LRRC46: variants seen among roughly 807,000 people sequenced by gnomAD.
The protein encoded by LRRC46 is leucine rich repeat containing 46.
A neutral mutation model predicts 28.0 loss-of-function variants in LRRC46; 20 were observed. The observed-to-expected ratio is 0.71, with a 90% CI of 0.50 to 1.04. The LOEUF is 1.04. LRRC46 is among the 50% of genes least tolerant of loss of function. LRRC46 has a pLI of 0.00. For synonymous variants in LRRC46, 156 were observed against 158.8 expected (o/e 0.98, Z 0.13); for missense variants, 315 against 390.1 (o/e 0.81, Z 1.62).
chr17:47,831,930 GC>G lies in LRRC46; in HGVS notation c.-58del. 2 of 1,610,804 alleles carry G rather than the reference GC, an allele frequency of 1.2e-6. No homozygotes were observed. Among genetic ancestry groups the G allele is most frequent in the African/African-American group, 1.3e-5 (1 of 74,910 alleles). On this transcript the variant is annotated 5_prime_UTR_variant, in exon 1 of 8. Coordinates refer to ENST00000269025, the MANE Select transcript of LRRC46 (RefSeq NM_033413.4). Reference sequence around the variant, plus strand: ...CTGAGTTCTGCCATCCTTAGGGGCCGCCAAGACCTCTCTTTTCGTTCCTCTC... The same window carrying G: ...CTGAGTTCTGCCATCCTTAGGGGCCGCAAGACCTCTCTTTTCGTTCCTCTC...
intron 2 of LRRC46, 131 bp downstream of exon 2, chr17:47,832,336 GC>G: frequency 1.7e-6 from 1 of 585,440 alleles, no homozygotes; most frequent in Non-Finnish European, 2.9e-6. Context: ...CAGTGGTAAT[GC>G]CCAGCTGATT....
chr17:47,835,912 G>A, intron 5 of LRRC46, 121 bp from the exon 6 acceptor site: 1 of 1,312,300 alleles, frequency 7.6e-7, no homozygotes, highest in Non-Finnish European at 1.1e-6. Flanking sequence ...TCAAGGGGTT[G>A]TGCCTAGAGG....
Position 47,836,117 on chromosome 17 carries a change from G to T in LRRC46, c.452+15G>T, listed in dbSNP as rs2033692621. On this transcript the variant is annotated intron_variant, in intron 6 of 7. Coordinates refer to ENST00000269025, the MANE Select transcript of LRRC46 (RefSeq NM_033413.4). The surrounding 1 kb of genome is among the most constrained non-coding windows in gnomAD (Gnocchi z 5.8). ...GATGGCTACCGGTAAGGAGTGGAGG[G>T]TGGGAAGAAAGGTCATGGCTGAGCT... 1 of 1,613,950 alleles carries T rather than the reference G, an allele frequency of 6.2e-7. No homozygotes were observed. Among genetic ancestry groups the T allele is most frequent in the African/African-American group, 1.3e-5 (1 of 75,010 alleles).
chr17:47,836,243 C>T lies in LRRC46; in HGVS notation c.453-90C>T, dbSNP rs2033694129. On this transcript the variant is annotated intron_variant, in intron 6 of 7. Transcript: ENST00000269025. This position sits in a 1 kb window ranked among gnomAD's most constrained non-coding sequence, Gnocchi z 5.8. ...TCCTACCTAGCTCATGAGCCACCAC[C>T]CCTCCGGGTGTGAGTGCTGTGGTGC... 1.3e-6 allele frequency: 2 copies of T among 1,588,744 alleles called. No individual in the cohort carries two copies. The highest frequency in any genetic ancestry group is 1.7e-6 in the Non-Finnish European group (2 of 1,162,414).
chr17:47,834,288 TG>T lies in LRRC46; in HGVS notation c.117-136del, dbSNP rs533648247. The T allele has an allele frequency of 1.1e-3, 883 of 784,284 alleles. 18 individuals carry two copies. The South Asian group carries it at 0.017, about 15-fold the overall frequency. 48.6% of individuals were successfully genotyped at this position (784,284 alleles called of 1,614,324 possible). ...TAGACACCACCTCAAGATGTCAAGA[TG>T]TTTCTCACATCTGATTAAAATGACT... On this transcript the variant is annotated intron_variant, in intron 2 of 7. Transcript: ENST00000269025.
At chr17:47,835,210 C>T in intron 3 of LRRC46, 143 bp from the exon 4 acceptor site, 1 of 851,174 alleles carries the variant, frequency 1.2e-6, no homozygotes, top group South Asian at 1.3e-5. Flanking sequence ...TAGTGGCAAC[C>T]TGTTCAAGGA....
intron 2 of LRRC46, 39 bp from the exon 3 acceptor site, chr17:47,834,386 G>A (rs370694732): frequency 6.9e-7 from 1 of 1,443,348 alleles, no homozygotes; most frequent in Middle Eastern, 1.8e-4. Flanking sequence ...GACCACATGA[G>A]TGGTGCTCTA....
In LRRC46 at chr17:47,837,095, CT is replaced by C; in HGVS notation, c.942del (p.Thr315ArgfsTer16). 1.2e-6 allele frequency: 2 copies of C among 1,604,878 alleles called. No homozygotes were observed. Among genetic ancestry groups the C allele is most frequent in the Non-Finnish European group, 1.7e-6 (2 of 1,177,876 alleles). The stretch of plus-strand genomic sequence containing the variant: ...GCTGAGGCCCCCAGCACAACCAAAA[CT>C]ACGGCCAAGAGAAGCAAGAAATGAT... The part of the protein sequence containing the change: ...SVAEAPSTTK[T>X]TAKRSKK On this transcript the variant is annotated frameshift_variant, in exon 8 of 8. Transcript: ENST00000269025. LOFTEE classifies it high-confidence loss of function.
Position 47,836,760 on chromosome 17 carries a change from G to A in LRRC46, c.606G>A (p.Lys202=). Residue 202 remains lysine, a synonymous_variant, in exon 8 of 8, where the codon AAG becomes AAA. Coordinates refer to ENST00000269025, the MANE Select transcript of LRRC46 (RefSeq NM_033413.4). This position sits in a 1 kb window ranked among gnomAD's most constrained non-coding sequence, Gnocchi z 5.8. ...GPFCSERGFL[K]ELEQELSRHR... ...CCCGGCCCCTCCCAGGCTTCCTCAA[G>A]GAGCTGGAGCAGGAGCTGAGCAGGC... 5 of 1,597,368 alleles carry A rather than the reference G, an allele frequency of 3.1e-6. No individual in the cohort carries two copies. Among genetic ancestry groups the A allele is most frequent in the Non-Finnish European group, 3.4e-6 (4 of 1,178,614 alleles).
At position 47,836,248 on chromosome 17, in the gene LRRC46, C is replaced by G; in HGVS notation, c.453-85C>G. 1.3e-6 allele frequency: 2 copies of G among 1,590,542 alleles called. No homozygotes were observed. The highest frequency in any genetic ancestry group is 1.7e-6 in the Non-Finnish European group (2 of 1,163,952). ...CCTAGCTCATGAGCCACCACCCCTCCGGGTGTGAGTGCTGTGGTGCGTGTC... is the reference window on the plus strand; with the variant it reads ...CCTAGCTCATGAGCCACCACCCCTCGGGGTGTGAGTGCTGTGGTGCGTGTC... On this transcript the variant is annotated intron_variant, in intron 6 of 7. Coordinates refer to ENST00000269025, the MANE Select transcript of LRRC46 (RefSeq NM_033413.4). The surrounding 1 kb of genome is among the most constrained non-coding windows in gnomAD (Gnocchi z 5.8).
chr17:47,836,990 G>A lies in LRRC46; in HGVS notation c.836G>A (p.Ser279Asn). 1 of 1,613,194 alleles carries A rather than the reference G, an allele frequency of 6.2e-7. No individual in the cohort carries two copies. The highest frequency in any genetic ancestry group is 8.5e-7 in the Non-Finnish European group (1 of 1,179,774). Reference protein sequence around the residue: ...QASSPTKKPCSLIPRGHQSSF... With the variant: ...QASSPTKKPCNLIPRGHQSSF... ...TCCTCTCCCACCAAGAAACCATGCA[G>A]TCTGATTCCCAGGGGCCACCAAAGC... Residue 279 changes from serine (S) to asparagine (N), a missense_variant, in exon 8 of 8, where the codon AGT becomes AAT. Ser to Asn is a conservative substitution (Grantham distance 46, BLOSUM62 1). Coordinates refer to ENST00000269025, the MANE Select transcript of LRRC46 (RefSeq NM_033413.4). This position sits in a 1 kb window ranked among gnomAD's most constrained non-coding sequence, Gnocchi z 5.8.
intron 3 of LRRC46, 21 bp downstream of exon 3, chr17:47,834,554 T>G: frequency 6.6e-7 from 1 of 1,525,306 alleles, no homozygotes; most frequent in Non-Finnish European, 9.1e-7. Context: ...TCTCCACCCT[T>G]CCCCTCCCCT....
chr17:47,835,236 C>T, intron 3 of LRRC46, 117 bp from the exon 4 acceptor site: 1 of 1,060,788 alleles, frequency 9.4e-7, no homozygotes, highest in Non-Finnish European at 1.5e-6. Context: ...GTGATCATTC[C>T]CAAAGTGCCA....
At chr17:47,833,176 CCCA>C (rs1372003770) in intron 2 of LRRC46, among the ~76,000 whole-genome samples, 20 of 152,064 alleles carry the variant, frequency 1.3e-4, no homozygotes, top group Non-Finnish European at 2.5e-4. Flanking sequence ...CCCATATCCC[CCCA>C]CCTTCATGGC....
chr17:47,837,119 G>T lies in LRRC46; in HGVS notation c.965G>T (p.Ter322LeuextTer24). ...TKTTAKRSKK[*>L] is the part of the protein sequence containing the mutation. ...ACTACGGCCAAGAGAAGCAAGAAAT[G>T]ATTCTCTGTCAACCTTTCTCTACTA... Residue 322 changes from the stop codon to leucine (L), a stop_lost, in exon 8 of 8, where the codon TGA becomes TTA. Transcript: ENST00000269025. 6.2e-7 allele frequency: 1 copy of T among 1,603,650 alleles called. No individual in the cohort carries two copies. The highest frequency in any genetic ancestry group is 1.1e-5 in the South Asian group (1 of 90,154).
chr17:47,836,436 G>GAGTT lies in LRRC46; in HGVS notation c.557_560dup (p.Phe187LeufsTer78), dbSNP rs1168974918. On this transcript the variant is annotated frameshift_variant, in exon 7 of 8. Transcript: ENST00000269025. LOFTEE classifies it low-confidence loss of function (END_TRUNC). The surrounding 1 kb of genome is among the most constrained non-coding windows in gnomAD (Gnocchi z 5.8). ...GGAGGATGAAGCCTCAAGCGATGAG[G>GAGTT]AGTTCCCAGAGCTGAGTGGCCCATT... The GAGTT allele has an allele frequency of 6.2e-7, 1 of 1,614,038 alleles. No homozygotes were observed. The highest frequency in any genetic ancestry group is 8.5e-7 in the Non-Finnish European group (1 of 1,180,028).
chr17:47,834,559 T>C, intron 3 of LRRC46, 26 bp downstream of exon 3: 1 of 1,494,680 alleles, frequency 6.7e-7, no homozygotes, highest in Non-Finnish European at 9.3e-7. Flanking sequence ...ACCCTTCCCC[T>C]CCCCTTGACC....
chr17:47,831,894 C>G lies in LRRC46; in HGVS notation c.-96C>G. 6.5e-7 allele frequency: 1 copy of G among 1,532,042 alleles called. No individual in the cohort carries two copies. The highest frequency in any genetic ancestry group is 9.0e-7 in the Non-Finnish European group (1 of 1,111,180). The allele number at this position is 1,532,042 out of a possible 1,614,324, so 94.9% of individuals were successfully genotyped here. A position where few individuals can be genotyped will look rare whatever the true frequency, so the allele number is the denominator to read the frequency against. ...TCCTAAGTCTCTGAGTTTCTCTCTC[C>G]TCCTGCCATCCTGAGTTCTGCCATC... On this transcript the variant is annotated 5_prime_UTR_variant, in exon 1 of 8. Transcript: ENST00000269025.
chr17:47,832,413 G>T (rs903736130), intron 2 of LRRC46, among the ~76,000 whole-genome samples: 1 of 152,096 alleles, frequency 6.6e-6, no homozygotes, highest in Non-Finnish European at 1.5e-5. Flanking sequence ...AGATAAGGCC[G>T]TGTTCACCTC....
Sources: gnomAD v4.1 joint callset for allele counts (sites outside exome capture counted in the v4.1 genomes callset) on GRCh38, gnomAD v4.1.1 for gene constraint, Gnocchi (gnomAD v3.1) non-coding constraint, MANE v1.5 for transcripts, NCBI Gene and HGNC (gene_info 2026-07-23, HGNC 2026-07-21) for gene names.